Variants in DNAH8 observed in about 807,000 individuals in gnomAD.
The protein encoded by DNAH8 is dynein axonemal heavy chain 8.
DNAH8 carries 382 observed loss-of-function variants against 562.1 expected under a neutral mutation model. That is an observed-to-expected ratio of 0.68 (90% CI 0.63 to 0.74). The LOEUF is 0.74. Among genes scored for constraint, DNAH8 ranks in the 30% least tolerant of loss-of-function variants. The pLI, the probability that DNAH8 is intolerant of heterozygous loss-of-function variation, is 0.00. For synonymous variants in DNAH8, 1,881 were observed against 1,919.4 expected (o/e 0.98, Z 0.52); for missense variants, 5,203 against 5,620.4 (o/e 0.93, Z 2.37).
rs777205673 is a variant in DNAH8, at chr6:38,931,801, AT to A, written c.11275-7del. On this transcript the variant is annotated splice_polypyrimidine_tract_variant and intron_variant, in intron 75 of 92. Coordinates refer to ENST00000327475, the MANE Select transcript of DNAH8 (RefSeq NM_001206927.2). ...AAGCTGTTTTTAATTTTATATGTGA[AT>A]TTATGTAGGTGAAAGTCGGTGATAA... is the stretch of plus-strand genomic sequence containing the variant. The A allele has an allele frequency of 6.6e-7, 1 of 1,525,308 alleles. No homozygotes were observed. The highest frequency in any genetic ancestry group is 1.4e-5 in the African/African-American group (1 of 71,016). The allele number at this position is 1,525,308 out of a possible 1,614,324, so 94.5% of individuals were successfully genotyped here. A position where few individuals can be genotyped will look rare whatever the true frequency, so the allele number is the denominator to read the frequency against.
At chr6:38,792,453 C>T (rs1769850971) in intron 21 of DNAH8, among the ~76,000 whole-genome samples, 1 of 152,108 alleles carries the variant, frequency 6.6e-6, no homozygotes, top group South Asian at 2.1e-4. Flanking sequence ...TAGGTCAGGT[C>T]GTTACTGCTC....
intron 85 of DNAH8, among the ~76,000 whole-genome samples, chr6:38,979,159 T>C (rs1003424711): frequency 3.3e-5 from 5 of 152,362 alleles, no homozygotes; most frequent in African/African-American, 1.2e-4. Flanking sequence ...TCTCTCCTCC[T>C]TGTAAAGACC....
intron 68 of DNAH8, among the ~76,000 whole-genome samples, chr6:38,915,912 A>ATG (rs1781281515): frequency 6.6e-6 from 1 of 152,074 alleles, no homozygotes; most frequent in Non-Finnish European, 1.5e-5. Flanking sequence ...GGATATATAC[A>ATG]CACATATATA....
intron 12 of DNAH8, 146 bp downstream of exon 12, chr6:38,770,705 C>A: frequency 1.4e-6 from 1 of 714,034 alleles, no homozygotes; most frequent in Non-Finnish European, 2.0e-6. Flanking sequence ...TAGGTCACTG[C>A]ATTTTATTAT....
chr6:38,878,673 G>A (rs1168192464), intron 53 of DNAH8, among the ~76,000 whole-genome samples: 1 of 152,140 alleles, frequency 6.6e-6, no homozygotes, highest in Non-Finnish European at 1.5e-5. Context: ...AACATGACGT[G>A]AGTATATTAG....
At position 39,006,210 on chromosome 6, in the gene DNAH8, G is replaced by T. The variant is rs144225795; in HGVS notation, c.13215-2604G>T. ...TGTCATATTTAGCACCTACAGAACT[G>T]TAAAATAATAAATATGTCTTGTTTT... On this transcript the variant is annotated intron_variant, in intron 88 of 92. Coordinates refer to ENST00000327475, the MANE Select transcript of DNAH8 (RefSeq NM_001206927.2). Among the ~76,000 whole-genome samples, 461 of 152,348 alleles carry T rather than the reference G, an allele frequency of 3.0e-3. 2 individuals carry two copies. The highest frequency in any genetic ancestry group is 0.01 in the African/African-American group (425 of 41,570).
chr6:38,726,201 A>G (rs1646291776), intron 3 of DNAH8, among the ~76,000 whole-genome samples: 1 of 152,186 alleles, frequency 6.6e-6, no homozygotes, highest in South Asian at 2.1e-4. Flanking sequence ...TTTGGATAAC[A>G]CCACAACTGG....
At chr6:38,877,260 A>T (rs540866520) in intron 53 of DNAH8, among the ~76,000 whole-genome samples, 2 of 152,336 alleles carry the variant, frequency 1.3e-5, no homozygotes, top group Non-Finnish European at 2.9e-5. Flanking sequence ...ATGGCATCTA[A>T]TAAGGAAGCC....
intron 11 of DNAH8, chr6:38,764,453 T>G (rs1766811728): frequency 6.6e-6 from 1 of 152,286 alleles, no homozygotes; most frequent in Admixed American, 6.5e-5. Flanking sequence ...TCTAAAAACT[T>G]GACCCTCACA....
chr6:38,984,396 C>T (rs1764232748), intron 87 of DNAH8, 89 bp downstream of exon 87: 1 of 784,310 alleles, frequency 1.3e-6, no homozygotes, highest in East Asian at 2.6e-5. Context: ...CAAACTCAAG[C>T]ATACAGCAGA....
chr6:39,017,054 A>G (rs1380314883), intron 91 of DNAH8, among the ~76,000 whole-genome samples: 3 of 152,230 alleles, frequency 2.0e-5, no homozygotes, highest in Non-Finnish European at 2.9e-5. Context: ...GATGATTAAA[A>G]TAGTCAAGCT....
chr6:38,814,115 G>T lies in DNAH8; in HGVS notation c.3319G>T (p.Ala1107Ser). ...ISFIKSEVHL[A>S]IPNVVMIPSL... ...CTTTATAAAAAGTGAAGTACATCTT[G>T]CAATTCCTAATGTGGTAAGTATTAT... The change falls in exon 25 of 93, where the codon GCA (alanine) becomes TCA (serine). Residue 1107 changes from alanine to serine, a missense_variant. By Grantham distance (99) the Ala-to-Ser change is moderately conservative. This residue lies in a region of DNAH8 where 2,176 missense variants were observed against 2,365.1 expected (regional missense o/e 0.92). Transcript: ENST00000327475. 6.5e-7 allele frequency: 1 copy of T among 1,548,710 alleles called. No individual in the cohort carries two copies. Among genetic ancestry groups the T allele is most frequent in the Non-Finnish European group, 8.9e-7 (1 of 1,121,996 alleles).
intron 24 of DNAH8, among the ~76,000 whole-genome samples, chr6:38,810,829 T>C (rs1380206513): frequency 6.6e-6 from 1 of 152,162 alleles, no homozygotes; most frequent in African/African-American, 2.4e-5. Flanking sequence ...ATCCCATTGG[T>C]TCTTTAGTGA....
In DNAH8 at chr6:38,781,187, C is replaced by T. The variant is rs1768561102; in HGVS notation, c.2140-67C>T. ...TAATGATAAAACAATACAAATATAG[C>T]TGTATATATTTTTTGCCTTCTCCCT... is the stretch of plus-strand genomic sequence containing the variant. On this transcript the variant is annotated intron_variant, in intron 15 of 92. Coordinates refer to ENST00000327475, the MANE Select transcript of DNAH8 (RefSeq NM_001206927.2). The T allele has an allele frequency of 3.3e-6, 5 of 1,495,458 alleles. No individual in the cohort carries two copies. In the Admixed American group the frequency reaches 5.1e-5, roughly 15 times the overall value. The allele number at this position is 1,495,458 out of a possible 1,614,324, so 92.6% of individuals were successfully genotyped here.
At chr6:38,855,348 C>G (rs1776113605) in intron 41 of DNAH8, among the ~76,000 whole-genome samples, 1 of 152,016 alleles carries the variant, frequency 6.6e-6, no homozygotes, top group South Asian at 2.1e-4. Context: ...GCACGTTCTG[C>G]ACGTGTATTC....
chr6:38,800,971 G>GT lies in DNAH8; in HGVS notation c.2902-2200dup, dbSNP rs529179879. ...TTCCTTATCAGATATATGATTTACAGTTTTTTTTCTCCCAGTCTTTGGGTT... is the reference window on the plus strand; with the variant it reads ...TTCCTTATCAGATATATGATTTACAGTTTTTTTTTCTCCCAGTCTTTGGGTT... On this transcript the variant is annotated intron_variant, in intron 21 of 92. Coordinates refer to ENST00000327475, the MANE Select transcript of DNAH8 (RefSeq NM_001206927.2). Among the ~76,000 whole-genome samples the GT allele has an allele frequency of 1.3e-4, 20 of 152,072 alleles. No homozygotes were observed. In the South Asian group the frequency reaches 3.9e-3, roughly 30 times the overall value.
At chr6:38,784,431 C>T (rs1331470799) in intron 17 of DNAH8, among the ~76,000 whole-genome samples, 1 of 152,162 alleles carries the variant, frequency 6.6e-6, no homozygotes, top group East Asian at 1.9e-4. Flanking sequence ...ACAAGCTCTA[C>T]AGTCACCTGT....
intron 81 of DNAH8, among the ~76,000 whole-genome samples, chr6:38,950,532 C>T (rs920370648): frequency 3.3e-5 from 5 of 151,752 alleles, no homozygotes; most frequent in East Asian, 3.9e-4. Flanking sequence ...CTCCGCCTCC[C>T]GGGTTCACTC....
At chr6:38,865,640 A>T (rs947789003) in intron 45 of DNAH8, among the ~76,000 whole-genome samples, 2 of 152,224 alleles carry the variant, frequency 1.3e-5, no homozygotes, top group African/African-American at 4.8e-5. Flanking sequence ...TCAAAAAAAC[A>T]TCAAGGATAT....
Sources: allele counts gnomAD v4.1 joint callset (sites outside exome capture counted in the v4.1 genomes callset), GRCh38; gene constraint gnomAD v4.1.1; regional missense constraint gnomAD v4.1.1; transcripts MANE v1.5; gene names NCBI Gene and HGNC (gene_info 2026-07-23, HGNC 2026-07-21).